Variants in MARCHF5 observed in about 807,000 individuals in gnomAD.
MARCHF5 encodes the protein E3 ubiquitin-protein ligase MARCHF5.
Under a neutral mutation model 36.5 loss-of-function variants are expected in MARCHF5, and 5 were observed. That is an observed-to-expected ratio of 0.14 (90% CI 0.07 to 0.29). The LOEUF (loss-of-function observed/expected upper bound fraction) is 0.29. Among genes scored for constraint, MARCHF5 ranks in the 10% least tolerant of loss-of-function variants. MARCHF5 has a pLI of 1.00. For synonymous variants in MARCHF5, 103 were observed against 109.9 expected (o/e 0.94, Z 0.39); for missense variants, 179 against 336.3 (o/e 0.53, Z 3.66).
intron 1 of MARCHF5, among the ~76,000 whole-genome samples, chr10:92,305,239 C>T (rs144960275): frequency 2.0e-5 from 3 of 152,110 alleles, no homozygotes; most frequent in Admixed American, 1.3e-4. Context: ...AACCCCGTCT[C>T]TTCTGAAAAT....
chr10:92,337,962 C>T (rs146994895), intron 2 of MARCHF5, among the ~76,000 whole-genome samples: 1 of 150,408 alleles, frequency 6.6e-6, no homozygotes, highest in East Asian at 2.0e-4. Context: ...TTGCTTGAGC[C>T]TAGGAGTTCC....
chr10:92,346,492 CTTTTT>C (rs763991703), intron 3 of MARCHF5, among the ~76,000 whole-genome samples: 212 of 88,306 alleles, frequency 2.4e-3, no homozygotes, highest in African/African-American at 8.5e-3. Flanking sequence ...CTATTTCCTT[CTTTTT>C]TTTTTTTTTT....
intron 1 of MARCHF5, among the ~76,000 whole-genome samples, chr10:92,301,791 G>A (rs1843015388): frequency 6.6e-6 from 1 of 152,222 alleles, no homozygotes; most frequent in Non-Finnish European, 1.5e-5. Flanking sequence ...GGGTGCAGGG[G>A]CTCACGCCTG....
chr10:92,353,105 C>T lies in MARCHF5; in HGVS notation c.*1898C>T, dbSNP rs922366891. The T allele has an allele frequency of 7.9e-5, 12 of 152,144 alleles. No individual in the cohort carries two copies. The highest frequency in any genetic ancestry group is 2.7e-4 in the African/African-American group (11 of 41,434). The allele number at this position is 152,144 out of a possible 1,614,324, so 9.4% of individuals were successfully genotyped here. A position where few individuals can be genotyped will look rare whatever the true frequency, so the allele number is the denominator to read the frequency against. On this transcript the variant is annotated 3_prime_UTR_variant, in exon 6 of 6. Coordinates refer to ENST00000358935, the MANE Select transcript of MARCHF5 (RefSeq NM_017824.5). The stretch of plus-strand genomic sequence containing the variant: ...AGGGCTCATGAAGGCCGGGGAACAA[C>T]TCTAATCCTTTTGGGGCAGGAGGGA...
At chr10:92,300,022 G>A (rs1842993783) in intron 1 of MARCHF5, among the ~76,000 whole-genome samples, 1 of 151,992 alleles carries the variant, frequency 6.6e-6, no homozygotes, top group African/African-American at 2.4e-5. Flanking sequence ...AGTAACCAGT[G>A]TAGTGGTGCA....
intron 3 of MARCHF5, among the ~76,000 whole-genome samples, chr10:92,343,775 G>T (rs1272739863): frequency 6.6e-6 from 1 of 152,144 alleles, no homozygotes; most frequent in African/African-American, 2.4e-5. Flanking sequence ...CACCATGTTG[G>T]TCAGGCTGGT....
intron 3 of MARCHF5, among the ~76,000 whole-genome samples, chr10:92,344,299 A>G (rs1269700892): frequency 6.6e-6 from 1 of 152,228 alleles, no homozygotes; most frequent in Non-Finnish European, 1.5e-5. Context: ...TATATAAACA[A>G]TATTTTAATT....
In MARCHF5 at chr10:92,327,104, A is replaced by T. The variant is rs146682229; in HGVS notation, c.239-13569A>T. Among the ~76,000 whole-genome samples, 3 of 152,296 alleles carry T rather than the reference A, an allele frequency of 2.0e-5. No homozygotes were observed. The East Asian group carries it at 5.8e-4, about 29-fold the overall frequency. ...TTAAAGGAACATCAAGGGAGAGGGA[A>T]GTACCCAGGGTTTAGCAAGCTACTT... On this transcript the variant is annotated intron_variant, in intron 2 of 5. Transcript: ENST00000358935.
chr10:92,316,779 A>G (rs1843215603), intron 2 of MARCHF5, among the ~76,000 whole-genome samples: 1 of 151,694 alleles, frequency 6.6e-6, no homozygotes, highest in African/African-American at 2.4e-5. Context: ...CCAGTCTCAA[A>G]CTTCCTGGCC....
At chr10:92,333,182 G>A (rs201624399) in intron 2 of MARCHF5, among the ~76,000 whole-genome samples, 24 of 127,354 alleles carry the variant, frequency 1.9e-4, no homozygotes, top group East Asian at 4.7e-4. Context: ...AAAAAAAAAA[G>A]AAAAAAAAAA....
intron 1 of MARCHF5, among the ~76,000 whole-genome samples, chr10:92,309,513 G>A (rs1843120729): frequency 6.6e-6 from 1 of 152,186 alleles, no homozygotes; most frequent in African/African-American, 2.4e-5. Context: ...GAAAGTATGA[G>A]ACTAAAGAGT....
intron 2 of MARCHF5, among the ~76,000 whole-genome samples, chr10:92,327,144 A>T (rs1383019790): frequency 6.6e-6 from 1 of 152,156 alleles, no homozygotes; most frequent in African/African-American, 2.4e-5. Flanking sequence ...GCTACTTGCA[A>T]TGAGGGAACC....
chr10:92,333,367 C>T (rs1354094549), intron 2 of MARCHF5: 1 of 152,044 alleles, frequency 6.6e-6, no homozygotes, highest in Non-Finnish European at 1.5e-5. Context: ...CTGCCAAGTA[C>T]CATGTGCTGA....
intron 2 of MARCHF5, among the ~76,000 whole-genome samples, chr10:92,337,121 C>CA (rs199761409): frequency 0.35 from 45,340 of 129,144 alleles, 8,829 homozygotes; most frequent in Middle Eastern, 0.54. Flanking sequence ...GACTCTGTCT[C>CA]AAAAAAAAAA....
At chr10:92,312,910 A>G (rs1843162460) in intron 2 of MARCHF5, among the ~76,000 whole-genome samples, 1 of 152,230 alleles carries the variant, frequency 6.6e-6, no homozygotes, top group South Asian at 2.1e-4. Context: ...CAGTAATTGA[A>G]TATGGTTTTA....
chr10:92,308,636 A>G (rs1208179202), intron 1 of MARCHF5: 1 of 151,578 alleles, frequency 6.6e-6, no homozygotes, highest in Admixed American at 6.6e-5. Context: ...CAGCTATCTT[A>G]TTTACCATAG....
chr10:92,336,454 A>T (rs915272764), intron 2 of MARCHF5, among the ~76,000 whole-genome samples: 1 of 152,238 alleles, frequency 6.6e-6, no homozygotes. Flanking sequence ...AAAAACAGGC[A>T]GATGTCTGAA....
At position 92,322,027 on chromosome 10, in the gene MARCHF5, C is replaced by G. The variant is rs1267226623; in HGVS notation, c.238+10690C>G. Among the ~76,000 whole-genome samples the G allele has an allele frequency of 2.6e-5, 4 of 151,568 alleles. No homozygotes were observed. The East Asian group carries it at 5.8e-4, about 22-fold the overall frequency. ...TGGGAGGCCGAGGCGGGCGGATCACCTGAGGTCGGGAGTTCAAGACCAGCC... is the reference window on the plus strand; with the variant it reads ...TGGGAGGCCGAGGCGGGCGGATCACGTGAGGTCGGGAGTTCAAGACCAGCC... On this transcript the variant is annotated intron_variant, in intron 2 of 5. Coordinates refer to ENST00000358935, the MANE Select transcript of MARCHF5 (RefSeq NM_017824.5).
intron 1 of MARCHF5, among the ~76,000 whole-genome samples, chr10:92,299,967 AC>A (rs1251027095): frequency 1.3e-5 from 2 of 151,692 alleles, no homozygotes; most frequent in East Asian, 3.9e-4. Context: ...TTTGAGACCC[AC>A]CTGAGCAAAA....
Sources: gnomAD v4.1 joint callset for allele counts (sites outside exome capture counted in the v4.1 genomes callset) on GRCh38, gnomAD v4.1.1 for gene constraint, MANE v1.5 for transcripts, NCBI Gene and HGNC (gene_info 2026-07-23, HGNC 2026-07-21) for gene names.